The following CDH2 variants were observed in gnomAD, a reference collection of about 807,000 sequenced individuals.
CDH2 encodes the protein cadherin-2.
Under a neutral mutation model 92.0 loss-of-function variants are expected in CDH2, and 17 were observed. The observed-to-expected ratio is 0.18, with a 90% confidence interval of 0.13 to 0.28. The LOEUF (loss-of-function observed/expected upper bound fraction) is 0.28, where lower values mean the gene tolerates loss of function less well. Among genes scored for constraint, CDH2 ranks in the 10% least tolerant of loss-of-function variants. The pLI, the probability that CDH2 is intolerant of heterozygous loss-of-function variation, is 1.00. For synonymous variants in CDH2, 419 were observed against 415.9 expected, an observed-to-expected ratio of 1.01 and a Z score of -0.09; for missense variants, 862 against 1,133.1, an observed-to-expected ratio of 0.76 and a Z score of 3.44.
intron 2 of CDH2, among the ~76,000 whole-genome samples, chr18:28,018,312 C>T (rs767880965): frequency 5.9e-5 from 9 of 152,044 alleles, no homozygotes; most frequent in Non-Finnish European, 1.2e-4. Flanking sequence ...AATGACCATA[C>T]TGCTAAAAGC....
intron 2 of CDH2, among the ~76,000 whole-genome samples, chr18:28,038,422 AGTGTGT>A (rs57601293): frequency 0.13 from 18,132 of 142,246 alleles, 1,375 homozygotes; most frequent in East Asian, 0.28. Flanking sequence ...CCTTGTCTCA[AGTGTGT>A]GTGTGTGTGT....
intron 14 of CDH2, among the ~76,000 whole-genome samples, chr18:27,972,264 T>C (rs1047486323): frequency 2.6e-5 from 4 of 152,236 alleles, no homozygotes; most frequent in African/African-American, 7.2e-5. Flanking sequence ...TGATTACCCT[T>C]ATGTCTTCTA....
chr18:28,078,421 G>A (rs1473123033), intron 2 of CDH2, among the ~76,000 whole-genome samples: 1 of 152,154 alleles, frequency 6.6e-6, no homozygotes, highest in Non-Finnish European at 1.5e-5. Context: ...AAGGTAGAGT[G>A]TTGGGGAGGA....
intron 6 of CDH2, among the ~76,000 whole-genome samples, chr18:27,934,762 G>A (rs1341701224): frequency 6.6e-6 from 1 of 152,114 alleles, no homozygotes; most frequent in African/African-American, 2.4e-5. Flanking sequence ...GAACAGAGTC[G>A]TGTCTGCACT....
At chr18:27,962,064 T>A (rs1036987902) in intron 15 of CDH2, among the ~76,000 whole-genome samples, 1 of 152,168 alleles carries the variant, frequency 6.6e-6, no homozygotes. Context: ...ATGACAAACA[T>A]GAAATTAGAA....
Position 27,952,086 on chromosome 18 carries a change from G to T in CDH2, c.*67C>A. The T allele has an allele frequency of 7.3e-7, 1 of 1,364,604 alleles. No individual in the cohort carries two copies. Among genetic ancestry groups the T allele is most frequent in the Non-Finnish European group, 1.0e-6 (1 of 955,030 alleles). 84.5% of individuals were successfully genotyped at this position (1,364,604 alleles called of 1,614,324 possible). On this transcript the variant is annotated 3_prime_UTR_variant, in exon 16 of 16. Transcript: ENST00000269141. Reference sequence around the variant, plus strand: ...ACTACAAAGTTAAAGCCTAGCTTCTGAATGCTTTTTGGGAATATCAGTTGA... The same window carrying T: ...ACTACAAAGTTAAAGCCTAGCTTCTTAATGCTTTTTGGGAATATCAGTTGA...
chr18:28,076,149 T>C (rs898715114), intron 2 of CDH2, among the ~76,000 whole-genome samples: 1 of 152,216 alleles, frequency 6.6e-6, no homozygotes, highest in African/African-American at 2.4e-5. Context: ...ATAAGTGATA[T>C]GATTTGTTCA....
At chr18:28,114,664 C>G (rs902887648) in intron 2 of CDH2, among the ~76,000 whole-genome samples, 1 of 152,004 alleles carries the variant, frequency 6.6e-6, no homozygotes, top group Non-Finnish European at 1.5e-5. Context: ...ACATATCAAG[C>G]TGTAGTTCAA....
intron 6 of CDH2, among the ~76,000 whole-genome samples, 178 bp from the exon 7 acceptor site, chr18:28,003,347 T>G (rs936915795): frequency 6.6e-6 from 1 of 152,200 alleles, no homozygotes; most frequent in Admixed American, 6.5e-5. Context: ...TCAAAAAAGA[T>G]AAAACCTGGT....
chr18:28,174,562 G>C (rs2016509636), intron 1 of CDH2, among the ~76,000 whole-genome samples: 1 of 152,128 alleles, frequency 6.6e-6, no homozygotes, highest in Admixed American at 6.5e-5. Flanking sequence ...GTTTAAAAAA[G>C]TCAACATTGG....
intron 2 of CDH2, among the ~76,000 whole-genome samples, chr18:28,066,904 C>T (rs888202312): frequency 6.6e-6 from 1 of 152,012 alleles, no homozygotes; most frequent in African/African-American, 2.4e-5. Context: ...TTAAGTAAAA[C>T]TCAAAATAAA....
intron 2 of CDH2, among the ~76,000 whole-genome samples, chr18:28,075,547 T>C (rs1282200527): frequency 3.9e-5 from 6 of 152,264 alleles, no homozygotes; most frequent in African/African-American, 1.4e-4. Flanking sequence ...TGTCAGCAGG[T>C]CATCCTCATC....
At chr18:28,083,521 T>C (rs998293946) in intron 2 of CDH2, among the ~76,000 whole-genome samples, 1 of 152,166 alleles carries the variant, frequency 6.6e-6, no homozygotes, top group African/African-American at 2.4e-5. Flanking sequence ...TTAAGGAAAC[T>C]AACATCCCAG....
chr18:28,031,870 G>C (rs572124867), intron 2 of CDH2, among the ~76,000 whole-genome samples: 17 of 152,036 alleles, frequency 1.1e-4, no homozygotes, highest in Non-Finnish European at 2.1e-4. Context: ...TGGGTGATCA[G>C]AGCCGACTTG....
chr18:27,971,690 C>T (rs1486193976), intron 14 of CDH2, among the ~76,000 whole-genome samples: 1 of 152,084 alleles, frequency 6.6e-6, no homozygotes, highest in Non-Finnish European at 1.5e-5. Flanking sequence ...GTGAAACTTT[C>T]CTTTTGTGAA....
At chr18:28,065,987 G>A (rs1308065064) in intron 2 of CDH2, among the ~76,000 whole-genome samples, 1 of 152,162 alleles carries the variant, frequency 6.6e-6, no homozygotes, top group African/African-American at 2.4e-5. Flanking sequence ...TCTAGTGGAG[G>A]TGGAGCTAGG....
At chr18:28,012,026 T>C (rs1282713020) in intron 3 of CDH2, 34 bp from the exon 4 acceptor site, 2 of 1,567,754 alleles carry the variant, frequency 1.3e-6, no homozygotes, top group Non-Finnish European at 1.7e-6. Context: ...TCCTGAGTAC[T>C]AGGAAACACA....
Position 28,000,348 on chromosome 18 carries a change from C to G in CDH2, c.1020+2649G>C, listed in dbSNP as rs917447528. ...AACTTCTGGGCTCAAGCCATCCACC[C>G]ACCTCAACCTCCCAAAATGCTGTGA... On this transcript the variant is annotated intron_variant, in intron 7 of 15. Transcript: ENST00000269141. 1.2e-4 allele frequency among the ~76,000 whole-genome samples: 18 copies of G among 152,164 alleles called. 1 individual carries two copies. The highest frequency in any genetic ancestry group is 1.1e-3 in the Admixed American group (17 of 15,284).
intron 8 of CDH2, 109 bp downstream of exon 8, chr18:27,993,391 A>C: frequency 9.4e-7 from 1 of 1,062,268 alleles, no homozygotes; most frequent in Non-Finnish European, 1.4e-6. Context: ...CCATGCTACT[A>C]TTAGGTGAAG....
Sources: allele counts gnomAD v4.1 joint callset (sites outside exome capture counted in the v4.1 genomes callset), GRCh38; gene constraint gnomAD v4.1.1; transcripts MANE v1.5; gene names NCBI Gene and HGNC (gene_info 2026-07-23, HGNC 2026-07-21).